STARD13: variants seen among roughly 807,000 people sequenced by gnomAD.
STARD13 encodes StAR related lipid transfer domain containing 13.
In STARD13, 62 loss-of-function variants were observed where a neutral mutation model predicts 106.4. The ratio of observed to expected loss-of-function variants is 0.58; its 90% confidence interval spans 0.48 to 0.72. The LOEUF (loss-of-function observed/expected upper bound fraction) is 0.72. Ranked by LOEUF, STARD13 falls within the 30% of genes least tolerant of loss-of-function variation. STARD13 has a pLI of 0.00. For missense variants in STARD13, 1,387 were observed against 1,424.0 expected (o/e 0.97, Z 0.42); for synonymous variants, 565 against 553.0 (o/e 1.02, Z -0.31).
chr13:33,212,559 C>T (rs1887785354), intron 1 of STARD13, among the ~76,000 whole-genome samples: 1 of 152,160 alleles, frequency 6.6e-6, no homozygotes, highest in African/African-American at 2.4e-5. Context: ...TGGGCAGGTG[C>T]AGATGTGCAT....
chr13:33,375,834 C>A, the STARD13 span, among the ~76,000 whole-genome samples: 1 of 152,048 alleles, frequency 6.6e-6, no homozygotes, highest in Non-Finnish European at 1.5e-5. Flanking sequence ...CACAGCCAAC[C>A]ATATCAGCCC....
At chr13:33,285,414 A>G in intron 1 of STARD13, 56 bp downstream of exon 1, 3 of 1,558,458 alleles carry the variant, frequency 1.9e-6, no homozygotes, top group Non-Finnish European at 2.6e-6. Context: ...GGTTAGCATG[A>G]AATAGAGCCA....
the STARD13 span, among the ~76,000 whole-genome samples, chr13:33,505,865 C>T: frequency 1.3e-5 from 2 of 152,066 alleles, no homozygotes; most frequent in Non-Finnish European, 2.9e-5. Context: ...TCTGCAGAGT[C>T]CTGGGCATCT....
At chr13:33,573,153 C>T in the STARD13 span, among the ~76,000 whole-genome samples, 1 of 152,040 alleles carries the variant, frequency 6.6e-6, no homozygotes, top group Non-Finnish European at 1.5e-5. Flanking sequence ...ACTACGGTAG[C>T]CCCAGACAAC....
the STARD13 span, among the ~76,000 whole-genome samples, chr13:33,557,526 A>G: frequency 6.6e-6 from 1 of 152,200 alleles, no homozygotes; most frequent in African/African-American, 2.4e-5. Flanking sequence ...CATTCTTCAT[A>G]AGATTTAGTA....
At chr13:33,164,434 T>C (rs371264077) in intron 3 of STARD13, 1 of 152,200 alleles carries the variant, frequency 6.6e-6, no homozygotes, top group South Asian at 2.1e-4. Context: ...AGAAAGAACA[T>C]TGGATTTAGC....
At chr13:33,432,459 G>A in the STARD13 span, among the ~76,000 whole-genome samples, 1 of 152,070 alleles carries the variant, frequency 6.6e-6, no homozygotes, top group Non-Finnish European at 1.5e-5. Context: ...CGGTTGCCTG[G>A]GGGAAGGGGC....
At chr13:33,155,578 G>A (rs1356231389) in intron 3 of STARD13, 2 of 151,998 alleles carry the variant, frequency 1.3e-5, no homozygotes, top group Non-Finnish European at 2.9e-5. Context: ...CATTCTTCCT[G>A]AAAGCTTAGG....
At chr13:33,346,140 T>C (rs9597268), downstream of STARD13, among the ~76,000 whole-genome samples, 24,024 of 152,188 alleles carry the variant, frequency 0.16, 2,576 homozygotes, top group Non-Finnish European at 0.22. Flanking sequence ...GGGCAAGAAA[T>C]TGAAGCTGCC....
the STARD13 span, among the ~76,000 whole-genome samples, chr13:33,577,340 A>C: frequency 1.3e-5 from 2 of 152,180 alleles, no homozygotes; most frequent in Non-Finnish European, 2.9e-5. Context: ...TCAGCTATAA[A>C]TAGCATAGTA....
chr13:33,401,180 C>T, the STARD13 span, among the ~76,000 whole-genome samples: 2 of 152,174 alleles, frequency 1.3e-5, no homozygotes, highest in South Asian at 2.1e-4. Flanking sequence ...AATCCTAAAA[C>T]AGGATTGCAT....
At chr13:33,504,013 A>G in the STARD13 span, among the ~76,000 whole-genome samples, 9 of 152,344 alleles carry the variant, frequency 5.9e-5, no homozygotes, top group East Asian at 1.7e-3. Flanking sequence ...AATGCTCATC[A>G]TCACTGGTCA....
chr13:33,212,973 C>T lies in STARD13; in HGVS notation c.170-45351G>A, dbSNP rs1322624191. Among the ~76,000 whole-genome samples, 4 of 152,302 alleles carry T rather than the reference C, an allele frequency of 2.6e-5. No individual in the cohort carries two copies. The East Asian group carries it at 7.7e-4, about 29-fold the overall frequency. ...CAAGGCAACCTACCCCTTATCTCTG[C>T]TACGTTCTTGTTTTGAAGCAAATCA... On this transcript the variant is annotated intron_variant, in intron 1 of 13. Coordinates refer to ENST00000336934, the MANE Select transcript of STARD13 (RefSeq NM_178006.4).
chr13:33,491,890 C>T, the STARD13 span, among the ~76,000 whole-genome samples: 1 of 152,136 alleles, frequency 6.6e-6, no homozygotes, highest in African/African-American at 2.4e-5. Flanking sequence ...AAGAGACCAC[C>T]AAACAGGCTT....
At chr13:33,138,861 C>G (rs1175242354) in intron 4 of STARD13, 1 of 479,376 alleles carries the variant, frequency 2.1e-6, no homozygotes, top group South Asian at 1.5e-5. Flanking sequence ...TCCCTTTTCT[C>G]TTCTGCAAAA....
chr13:33,270,345 T>C (rs1199495366), intron 1 of STARD13, among the ~76,000 whole-genome samples: 4 of 152,170 alleles, frequency 2.6e-5, no homozygotes, highest in African/African-American at 9.7e-5. Flanking sequence ...TATAGTTATA[T>C]TTTGGTGCAA....
the STARD13 span, among the ~76,000 whole-genome samples, chr13:33,524,965 A>C: frequency 6.6e-6 from 1 of 152,084 alleles, no homozygotes; most frequent in Non-Finnish European, 1.5e-5. Flanking sequence ...CCTCCTGCCT[A>C]ACCAAAATTT....
chr13:33,563,849 A>G, the STARD13 span, among the ~76,000 whole-genome samples: 1 of 147,510 alleles, frequency 6.8e-6, no homozygotes, highest in Non-Finnish European at 1.5e-5. Context: ...TAACTAGAAT[A>G]TATAAGGAGC....
chr13:33,269,018 A>G (rs1278779758), intron 1 of STARD13, among the ~76,000 whole-genome samples: 1 of 152,184 alleles, frequency 6.6e-6, no homozygotes, highest in Non-Finnish European at 1.5e-5. Flanking sequence ...TTGACAAGCC[A>G]TTCCATGAGC....
Sources: gnomAD v4.1 joint callset for allele counts (sites outside exome capture counted in the v4.1 genomes callset) on GRCh38, gnomAD v4.1.1 for gene constraint, MANE v1.5 for transcripts, NCBI Gene and HGNC (gene_info 2026-07-23, HGNC 2026-07-21) for gene names.